Variants in FER observed in about 807,000 individuals in gnomAD.
The protein encoded by FER is FER tyrosine kinase.
A neutral mutation model predicts 111.0 loss-of-function variants in FER; 63 were observed. That is an observed-to-expected ratio of 0.57 (90% confidence interval 0.46 to 0.70). The LOEUF (loss-of-function observed/expected upper bound fraction) is 0.70, where lower values mean the gene tolerates loss of function less well. Among genes scored for constraint, FER ranks in the 30% least tolerant of loss-of-function variants. FER has a pLI of 0.00. For missense variants in FER, 914 were observed against 954.0 expected (o/e 0.96, Z 0.55); for synonymous variants, 327 against 313.9 (o/e 1.04, Z -0.44).
chr5:109,104,505 TA>T (rs1180870621), intron 17 of FER, among the ~76,000 whole-genome samples: 1 of 152,148 alleles, frequency 6.6e-6, no homozygotes, highest in Admixed American at 6.5e-5. Flanking sequence ...TTGCAGAGGA[TA>T]CCCTCTGAGT....
At chr5:109,100,019 ATTTGACTC>A (rs1748029807) in intron 16 of FER, among the ~76,000 whole-genome samples, 1 of 151,764 alleles carries the variant, frequency 6.6e-6, no homozygotes, top group South Asian at 2.1e-4. Flanking sequence ...ACATACTCAT[ATTTGACTC>A]ATAATAATAT....
At chr5:108,799,252 T>C (rs920183963) in intron 3 of FER, among the ~76,000 whole-genome samples, 9 of 152,364 alleles carry the variant, frequency 5.9e-5, no homozygotes, top group African/African-American at 2.2e-4. Flanking sequence ...TTTGAAAACA[T>C]TGAAGAAGAA....
At chr5:108,770,956 A>C (rs542603174) in intron 2 of FER, among the ~76,000 whole-genome samples, 47 of 150,168 alleles carry the variant, frequency 3.1e-4, no homozygotes, top group Admixed American at 3.0e-3. Flanking sequence ...TTTTTTTTTG[A>C]GATGGAGTCT....
At chr5:109,180,924 T>G in intron 18 of FER, 23 bp downstream of exon 18, 1 of 1,553,978 alleles carries the variant, frequency 6.4e-7, no homozygotes, top group Non-Finnish European at 8.7e-7. Flanking sequence ...CACATTTTTT[T>G]TTTAATGGTA....
intron 1 of FER, among the ~76,000 whole-genome samples, chr5:108,758,422 G>A (rs1001733457): frequency 6.6e-6 from 1 of 152,086 alleles, no homozygotes; most frequent in Non-Finnish European, 1.5e-5. Context: ...GAATTTTCAC[G>A]ATTCTTCAGT....
At chr5:108,755,687 T>A (rs2149913902) in intron 1 of FER, among the ~76,000 whole-genome samples, 1 of 151,492 alleles carries the variant, frequency 6.6e-6, no homozygotes, top group South Asian at 2.1e-4. Flanking sequence ...GGTTTCACCA[T>A]GTTAGTCAGG....
In FER at chr5:109,195,881, G is replaced by C. The variant is rs1211085653; in HGVS notation, c.*8306G>C. On this transcript the variant is annotated 3_prime_UTR_variant, in exon 20 of 20. Transcript: ENST00000281092. ...AGTTAGATGGCCCAATTGAGCATCT[G>C]AATGAATATAGTGGGGGTTGGTGGT... 6.6e-6 allele frequency: 1 copy of C among 152,218 alleles called. No homozygotes were observed. The highest frequency in any genetic ancestry group is 1.5e-5 in the Non-Finnish European group (1 of 68,046). 9.4% of individuals were successfully genotyped at this position (152,218 alleles called of 1,614,324 possible). A position where few individuals can be genotyped will look rare whatever the true frequency, so the allele number is the denominator to read the frequency against.
Position 108,897,837 on chromosome 5 carries a change from G to C in FER, c.1225G>C (p.Val409Leu), listed in dbSNP as rs1270130097. The C allele has an allele frequency of 1.9e-6, 3 of 1,610,692 alleles. No individual in the cohort carries two copies. Among genetic ancestry groups the C allele is most frequent in the Non-Finnish European group, 2.5e-6 (3 of 1,178,676 alleles). ...VVNYEEDARS[V>L]TSMERKERLS... ...AAATTATGAAGAAGATGCACGATCA[G>C]TTACATCTATGGTAAGCTAAAGAAT... The change falls in exon 10 of 20, where the codon GTT (valine) becomes CTT (leucine). Residue 409 changes from valine to leucine, a missense_variant. This residue lies in a region of FER where 774 missense variants were observed against 782.6 expected (regional missense o/e 0.99). Transcript: ENST00000281092.
At chr5:109,070,004 C>G (rs1775580139) in intron 16 of FER, among the ~76,000 whole-genome samples, 1 of 152,062 alleles carries the variant, frequency 6.6e-6, no homozygotes, top group South Asian at 2.1e-4. Context: ...TAACTTTTTA[C>G]AGTAGCAATC....
chr5:108,903,634 G>A (rs766072415), intron 10 of FER, among the ~76,000 whole-genome samples: 7 of 152,138 alleles, frequency 4.6e-5, no homozygotes, highest in Non-Finnish European at 1.0e-4. Flanking sequence ...ATGAGATAAT[G>A]TGTATAAACA....
At chr5:108,879,713 T>A (rs947659481) in intron 8 of FER, among the ~76,000 whole-genome samples, 8 of 139,440 alleles carry the variant, frequency 5.7e-5, no homozygotes, top group African/African-American at 2.2e-4. Flanking sequence ...TATATATATA[T>A]ATATATATAT....
At chr5:109,078,108 A>G (rs1418489509) in intron 16 of FER, among the ~76,000 whole-genome samples, 1 of 152,208 alleles carries the variant, frequency 6.6e-6, no homozygotes, top group Non-Finnish European at 1.5e-5. Flanking sequence ...GGAGTGCTTC[A>G]GAATAGTTCA....
intron 17 of FER, among the ~76,000 whole-genome samples, chr5:109,107,188 C>T (rs1749040273): frequency 6.6e-6 from 1 of 152,132 alleles, no homozygotes; most frequent in Non-Finnish European, 1.5e-5. Context: ...TTTTTCCAGT[C>T]AATTACAATA....
At chr5:109,030,507 T>G (rs1445982348) in intron 13 of FER, among the ~76,000 whole-genome samples, 3 of 152,238 alleles carry the variant, frequency 2.0e-5, no homozygotes, top group Admixed American at 2.0e-4. Flanking sequence ...ATGGTTTCAA[T>G]GACAGTGCAA....
chr5:109,151,469 A>C (rs1754847020), intron 17 of FER, among the ~76,000 whole-genome samples: 1 of 152,164 alleles, frequency 6.6e-6, no homozygotes, highest in African/African-American at 2.4e-5. Context: ...AAAAATATGC[A>C]AAGTTAGATA....
At chr5:108,955,592 A>G (rs1758324375) in intron 12 of FER, among the ~76,000 whole-genome samples, 1 of 151,862 alleles carries the variant, frequency 6.6e-6, no homozygotes, top group Non-Finnish European at 1.5e-5. Flanking sequence ...GAGTAATTTC[A>G]AAATTTAGCT....
In FER at chr5:108,945,381, C is replaced by G. The variant is rs1756847757; in HGVS notation, c.1237-749C>G. Among the ~76,000 whole-genome samples, 3 of 151,904 alleles carry G rather than the reference C, an allele frequency of 2.0e-5. No individual in the cohort carries two copies. The South Asian group carries it at 6.2e-4, about 32-fold the overall frequency. ...TCCTTTTTCCCTCTTTTTTTCTGCCCTCTTACCTACCCCATTCACTTATGT... is the reference window on the plus strand; with the variant it reads ...TCCTTTTTCCCTCTTTTTTTCTGCCGTCTTACCTACCCCATTCACTTATGT... On this transcript the variant is annotated intron_variant, in intron 10 of 19. Coordinates refer to ENST00000281092, the MANE Select transcript of FER (RefSeq NM_005246.4).
chr5:108,875,807 A>G (rs535715262), intron 8 of FER, among the ~76,000 whole-genome samples: 1 of 152,320 alleles, frequency 6.6e-6, no homozygotes, highest in South Asian at 2.1e-4. Context: ...ATTTTAATAA[A>G]GCAGTAAAGA....
chr5:109,042,042 A>C (rs1314917980), intron 14 of FER, among the ~76,000 whole-genome samples: 3 of 152,194 alleles, frequency 2.0e-5, no homozygotes, highest in Admixed American at 6.5e-5. Flanking sequence ...GAATAGATTG[A>C]AAATATAATT....
Sources: allele counts gnomAD v4.1 joint callset (sites outside exome capture counted in the v4.1 genomes callset), GRCh38; gene constraint gnomAD v4.1.1; regional missense constraint gnomAD v4.1.1; transcripts MANE v1.5; gene names NCBI Gene and HGNC (gene_info 2026-07-23, HGNC 2026-07-21).